Variants in PYGL observed in about 807,000 individuals in gnomAD.
PYGL encodes the protein glycogen phosphorylase, liver form.
PYGL carries 90 observed loss-of-function variants against 100.1 expected under a neutral mutation model. The observed-to-expected ratio is 0.90, with a 90% CI of 0.76 to 1.07. The LOEUF (loss-of-function observed/expected upper bound fraction) is 1.07. Among genes scored for constraint, PYGL ranks in the 50% least tolerant of loss-of-function variants. The probability of loss-of-function intolerance (pLI) is 0.00; values close to 1 mark genes in which losing one functional copy is unlikely to be tolerated. For missense variants in PYGL, 1,016 were observed against 1,057.6 expected (o/e 0.96, Z 0.55); for synonymous variants, 373 against 393.0 (o/e 0.95, Z 0.60).
Position 50,911,805 on chromosome 14 carries a change from TCAC to T in PYGL, c.1891_1893del (p.Val631del), listed in dbSNP as rs1210632371. On this transcript the variant is annotated inframe_deletion, in exon 16 of 20. Coordinates refer to ENST00000216392, the MANE Select transcript of PYGL (RefSeq NM_002863.5). ...TTGCTTCCAACCATAGGGTCATTGT[TCAC>T]CACATCTGCCACTGAAGTGATCAGC... 1 of 1,614,166 alleles carries T rather than the reference TCAC, an allele frequency of 6.2e-7. No homozygotes were observed. Among genetic ancestry groups the T allele is most frequent in the Middle Eastern group, 1.6e-4 (1 of 6,062 alleles).
intron 1 of PYGL, among the ~76,000 whole-genome samples, chr14:50,942,831 C>G (rs1385596958): frequency 4.0e-5 from 6 of 148,288 alleles, no homozygotes; most frequent in African/African-American, 1.5e-4. Flanking sequence ...TCAAACAAAA[C>G]AAAACAAAAC....
Position 50,944,298 on chromosome 14 carries a change from G to A in PYGL, c.106C>T (p.Leu36=), listed in dbSNP as rs1192443616. The A allele has an allele frequency of 6.2e-7, 1 of 1,614,014 alleles. No individual in the cohort carries two copies. Among genetic ancestry groups the A allele is most frequent in the South Asian group, 1.1e-5 (1 of 91,088 alleles). ...AELKKSFNRH[L]HFTLVKDRNV... ...CGGTCCTTGACCAGCGTGAAGTGCA[G>A]GTGCCGGTTGAAACTCTTCTTCAGC... The change falls in exon 1 of 20, where the codon CTG becomes TTG. Residue 36 remains leucine (L), a synonymous_variant. Transcript: ENST00000216392.
chr14:50,944,376 T>C lies in PYGL; in HGVS notation c.28A>G (p.Lys10Glu), dbSNP rs2050731926. The C allele has an allele frequency of 6.2e-7, 1 of 1,613,262 alleles. No individual in the cohort carries two copies. Among genetic ancestry groups the C allele is most frequent in the East Asian group, 2.2e-5 (1 of 44,878 alleles). ...CCGCGGATGCTGATCTGCCGCCGCT[T>C]CTCCTGGTCCGTCAGGGGCTTCGCC... Reference protein sequence around the residue: MAKPLTDQEKRRQISIRGIV... With the variant: MAKPLTDQEERRQISIRGIV... The change falls in exon 1 of 20, where the codon AAG becomes GAG. Residue 10 changes from lysine to glutamate, a missense_variant. By Grantham distance (56) the Lys-to-Glu change is moderately conservative. Transcript: ENST00000216392.
chr14:50,921,033 G>A lies in PYGL; in HGVS notation c.695C>T (p.Pro232Leu), dbSNP rs1291128222. ...VLALPYDTPV[P>L]GYMNNTVNTM... is the part of the protein sequence containing the mutation. ...GTTGACAGTGTTATTCATGTAGCCGGGCACGGGGGTGTCATATGGCAGAGC... is the reference window on the plus strand; with the variant it reads ...GTTGACAGTGTTATTCATGTAGCCGAGCACGGGGGTGTCATATGGCAGAGC... Residue 232 changes from proline (P) to leucine (L), a missense_variant, in exon 6 of 20, where the codon CCC becomes CTC. Pro to Leu is a moderately conservative substitution (Grantham distance 98, BLOSUM62 -3). Coordinates refer to ENST00000216392, the MANE Select transcript of PYGL (RefSeq NM_002863.5). 1 of 1,614,204 alleles carries A rather than the reference G, an allele frequency of 6.2e-7. No homozygotes were observed. The highest frequency in any genetic ancestry group is 1.1e-5 in the South Asian group (1 of 91,086).
chr14:50,920,635 T>G lies in PYGL; in HGVS notation c.773-12A>C. 1 of 1,597,078 alleles carries G rather than the reference T, an allele frequency of 6.3e-7. No homozygotes were observed. Among genetic ancestry groups the G allele is most frequent in the Non-Finnish European group, 8.6e-7 (1 of 1,164,636 alleles). The stretch of plus-strand genomic sequence containing the variant: ...GTCTCCAACATTAACTAGGGGAAAG[T>G]TAGAGAAACAATAAATAGAGAAACC... On this transcript the variant is annotated splice_polypyrimidine_tract_variant and intron_variant, in intron 6 of 19. Transcript: ENST00000216392.
rs1297470094 is a variant in PYGL at position 50,915,807 on chromosome 14, T to C, written c.1239+18A>G. 1 of 1,611,002 alleles carries C rather than the reference T, an allele frequency of 6.2e-7. No homozygotes were observed. The highest frequency in any genetic ancestry group is 1.7e-5 in the Admixed American group (1 of 59,982). On this transcript the variant is annotated intron_variant, in intron 10 of 19. Coordinates refer to ENST00000216392, the MANE Select transcript of PYGL (RefSeq NM_002863.5). ...ATCTTATGCTCATGAACAGAGAAAA[T>C]CTCTCAAAATGACTTACATCTAAAT...
Position 50,905,419 on chromosome 14 carries a change from A to G in PYGL, c.2517T>C (p.Asn839=). 2 of 1,613,672 alleles carry G rather than the reference A, an allele frequency of 1.2e-6. No individual in the cohort carries two copies. Among genetic ancestry groups the G allele is most frequent in the Middle Eastern group, 3.3e-4 (2 of 6,060 alleles). ...EPSDLKISLS[N]ESNKVNGN is the part of the protein sequence containing the mutation. ...AATTTCCATTGACTTTGTTAGATTC[A>G]TTGGATAGAGAAATCTTTAGATCTG... is the stretch of plus-strand genomic sequence containing the variant. Residue 839 remains asparagine (N), a synonymous_variant, in exon 20 of 20, where the codon AAT becomes AAC. Coordinates refer to ENST00000216392, the MANE Select transcript of PYGL (RefSeq NM_002863.5).
At position 50,916,606 on chromosome 14, in the gene PYGL, G is replaced by A. The variant is rs1324126014; in HGVS notation, c.1092+36C>T. On this transcript the variant is annotated intron_variant, in intron 9 of 19. Coordinates refer to ENST00000216392, the MANE Select transcript of PYGL (RefSeq NM_002863.5). ...CAGTCTTTCAACTGCAGCCATTCTG[G>A]TTAATTAAAGGAAAAAGAAGCCAAA... 3.2e-6 allele frequency: 5 copies of A among 1,550,804 alleles called. No homozygotes were observed. The South Asian group carries it at 3.3e-5, about 10-fold the overall frequency.
chr14:50,911,970 C>G lies in PYGL; in HGVS notation c.1827+8G>C. ...CCCTCAAGTCCCCATTGAATAGATT[C>G]AACTTACTTTACCACCAATGATAAC... On this transcript the variant is annotated splice_region_variant and intron_variant, in intron 15 of 19. Transcript: ENST00000216392. 1 of 1,613,456 alleles carries G rather than the reference C, an allele frequency of 6.2e-7. No homozygotes were observed. The highest frequency in any genetic ancestry group is 8.5e-7 in the Non-Finnish European group (1 of 1,179,388).
At chr14:50,908,155 CT>C in intron 19 of PYGL, 115 bp downstream of exon 19, 1 of 635,350 alleles carries the variant, frequency 1.6e-6, no homozygotes, top group Non-Finnish European at 2.6e-6. Flanking sequence ...TTTTTGATTG[CT>C]TAATGGGGAT....
At chr14:50,928,676 C>A (rs1440961603) in intron 4 of PYGL, among the ~76,000 whole-genome samples, 2 of 152,166 alleles carry the variant, frequency 1.3e-5, no homozygotes, top group African/African-American at 4.8e-5. Flanking sequence ...TCCACGCCTG[C>A]AAATCTTCCT....
At chr14:50,921,354 C>T in intron 5 of PYGL, 1 of 389,316 alleles carries the variant, frequency 2.6e-6, no homozygotes. Context: ...GATATAAATG[C>T]AGTGGAATGG....
chr14:50,937,609 A>G, intron 2 of PYGL, 127 bp downstream of exon 2: 1 of 861,180 alleles, frequency 1.2e-6, no homozygotes, highest in East Asian at 2.4e-5. Flanking sequence ...AGTTTGTAAT[A>G]GCCACATCTA....
Position 50,908,867 on chromosome 14 carries a change from G to C in PYGL, c.2266C>G (p.Pro756Ala), listed in dbSNP as rs1260636606. The C allele has an allele frequency of 3.2e-6, 5 of 1,573,256 alleles. No individual in the cohort carries two copies. The highest frequency in any genetic ancestry group is 1.7e-5 in the Admixed American group (1 of 59,892). The change falls in exon 18 of 20, where the codon CCT (proline) becomes GCT (alanine). Residue 756 changes from proline (P) to alanine (A), a missense_variant. Pro to Ala is a conservative substitution (Grantham distance 27, BLOSUM62 -1). Transcript: ENST00000216392. ...IDNGFFSPKQ[P>A]DLFKDIINML... The stretch of plus-strand genomic sequence containing the variant: ...TTGATGATATCTTTGAAGAGGTCAG[G>C]CTGCTTGGGAGAAAAAAAGCCATTG...
intron 17 of PYGL, 108 bp from the exon 18 acceptor site, chr14:50,909,063 A>G (rs902303391): frequency 8.0e-7 from 1 of 1,253,350 alleles, no homozygotes; most frequent in African/African-American, 1.5e-5. Flanking sequence ...ATTCAGAAAT[A>G]CTAGCATTCA....
At chr14:50,914,666 T>G in intron 12 of PYGL, 35 bp downstream of exon 12, 2 of 1,532,112 alleles carry the variant, frequency 1.3e-6, no homozygotes, top group Non-Finnish European at 1.8e-6. Flanking sequence ...TGCATTCGAG[T>G]CAGGCCTCCT....
At chr14:50,911,245 G>A (rs1399880068) in intron 16 of PYGL, among the ~76,000 whole-genome samples, 1 of 152,250 alleles carries the variant, frequency 6.6e-6, no homozygotes, top group Non-Finnish European at 1.5e-5. Context: ...TGATGCTGAA[G>A]TGCCCATGTG....
chr14:50,925,587 A>G (rs1197706250), intron 4 of PYGL, among the ~76,000 whole-genome samples: 2 of 152,240 alleles, frequency 1.3e-5, no homozygotes, highest in African/African-American at 4.8e-5. Context: ...AACAGTGTGA[A>G]GAGACAAAAA....
rs1265343182 is a variant in PYGL at position 50,905,434 on chromosome 14, C to G, written c.2502G>C (p.Lys834Asn). The change falls in exon 20 of 20, where the codon AAG (lysine) becomes AAC (asparagine). Residue 834 changes from lysine to asparagine, a missense_variant. Transcript: ENST00000216392. The stretch of plus-strand genomic sequence containing the variant: ...TGTTAGATTCATTGGATAGAGAAAT[C>G]TTTAGATCTGAAGGTTCCACGTTCC... ...NIWNVEPSDL[K>N]ISLSNESNKV... 1 of 1,613,786 alleles carries G rather than the reference C, an allele frequency of 6.2e-7. No individual in the cohort carries two copies. The highest frequency in any genetic ancestry group is 8.5e-7 in the Non-Finnish European group (1 of 1,179,710).
Sources: gnomAD v4.1 joint callset for allele counts (sites outside exome capture counted in the v4.1 genomes callset) on GRCh38, gnomAD v4.1.1 for gene constraint, MANE v1.5 for transcripts, NCBI Gene and HGNC (gene_info 2026-07-23, HGNC 2026-07-21) for gene names.